Variants in TUT4 observed in about 807,000 individuals in gnomAD.
TUT4 encodes the protein terminal uridylyltransferase 4.
Under a neutral mutation model 192.2 loss-of-function variants are expected in TUT4, and 36 were observed. The ratio of observed to expected loss-of-function variants is 0.19; its 90% CI spans 0.14 to 0.25. The LOEUF (loss-of-function observed/expected upper bound fraction) is 0.25, where lower values mean the gene tolerates loss of function less well. TUT4 is among the 10% of genes least tolerant of loss of function. TUT4 has a pLI of 1.00. For missense variants in TUT4, 1,493 were observed against 1,957.2 expected, an observed-to-expected ratio of 0.76 and a Z score of 4.47; for synonymous variants, 618 against 666.0, an observed-to-expected ratio of 0.93 and a Z score of 1.11.
rs559514733 is a variant in TUT4, at chr1:52,478,580, C to T, written c.1849-698G>A. ...AGACCACCTGGCCACTGGGTCCATG[C>T]GGTGAATCCCTATACTATACTGCCA... On this transcript the variant is annotated intron_variant, in intron 11 of 29. Transcript: ENST00000257177. Among the ~76,000 whole-genome samples, 17 of 152,270 alleles carry T rather than the reference C, an allele frequency of 1.1e-4. No homozygotes were observed. In the South Asian group the frequency reaches 1.2e-3, roughly 11 times the overall value.
At chr1:52,466,960 C>T (rs1207092615) in intron 15 of TUT4, among the ~76,000 whole-genome samples, 1 of 151,898 alleles carries the variant, frequency 6.6e-6, no homozygotes, top group Non-Finnish European at 1.5e-5. Context: ...AGCCACCGCA[C>T]CTGGCCAAAA....
intron 14 of TUT4, among the ~76,000 whole-genome samples, chr1:52,469,211 G>A (rs1407636791): frequency 6.6e-6 from 1 of 152,142 alleles, no homozygotes; most frequent in African/African-American, 2.4e-5. Flanking sequence ...TAGGAGGTCA[G>A]GGGATCTCAG....
chr1:52,454,048 A>G (rs372552051), intron 20 of TUT4, among the ~76,000 whole-genome samples: 1 of 152,246 alleles, frequency 6.6e-6, no homozygotes, highest in Non-Finnish European at 1.5e-5. Context: ...CATGAGGAAA[A>G]CTACAAAACT....
chr1:52,497,242 T>C, intron 4 of TUT4, 59 bp from the exon 5 acceptor site: 1 of 1,460,264 alleles, frequency 6.8e-7, no homozygotes, highest in East Asian at 2.5e-5. Context: ...TTAATTGTTC[T>C]TATATTTAGC....
intron 4 of TUT4, among the ~76,000 whole-genome samples, chr1:52,498,973 G>T (rs1673356944): frequency 1.9e-5 from 2 of 105,504 alleles, no homozygotes; most frequent in African/African-American, 3.8e-5. Flanking sequence ...ATTTTTCACA[G>T]AAATATAAAG....
At chr1:52,505,637 G>A (rs1675329672) in intron 4 of TUT4, among the ~76,000 whole-genome samples, 1 of 151,916 alleles carries the variant, frequency 6.6e-6, no homozygotes, top group Non-Finnish European at 1.5e-5. Flanking sequence ...GGCCAGGCTG[G>A]TCTCGAATTC....
intron 9 of TUT4, among the ~76,000 whole-genome samples, chr1:52,485,858 A>G (rs1335204903): frequency 1.3e-5 from 2 of 152,068 alleles, no homozygotes; most frequent in African/African-American, 4.8e-5. Flanking sequence ...CGATTGGTCT[A>G]TACTGGATTG....
At chr1:52,477,940 T>A in intron 11 of TUT4, 58 bp from the exon 12 acceptor site, 3 of 1,449,702 alleles carry the variant, frequency 2.1e-6, no homozygotes, top group Non-Finnish European at 2.8e-6. Context: ...AATCAACAAA[T>A]TTTCAGTTAG....
chr1:52,511,654 A>G (rs1020102019), intron 3 of TUT4, among the ~76,000 whole-genome samples: 1 of 152,138 alleles, frequency 6.6e-6, no homozygotes. Flanking sequence ...GGGAAAAGTG[A>G]ATGCCAAGGC....
In TUT4 at chr1:52,461,714, G is replaced by A; in HGVS notation, c.3125C>T (p.Pro1042Leu). The A allele has an allele frequency of 6.6e-7, 1 of 1,513,412 alleles. No homozygotes were observed. Among genetic ancestry groups the A allele is most frequent in the Non-Finnish European group, 9.0e-7 (1 of 1,112,324 alleles). 93.7% of individuals were successfully genotyped at this position (1,513,412 alleles called of 1,614,324 possible). The change falls in exon 17 of 30, where the codon CCA becomes CTA. Residue 1042 changes from proline to leucine, a missense_variant and splice_region_variant. Around this residue, in one of 7 missense-constraint regions of TUT4, gnomAD observed 141 missense variants for 382.7 expected, o/e 0.37. Transcript: ENST00000257177. ...CAGATAAGATTCAAAATTCATACCTGGATGTCTCTTAAGAATTTTTGCCAA... is the reference window on the plus strand; with the variant it reads ...CAGATAAGATTCAAAATTCATACCTAGATGTCTCTTAAGAATTTTTGCCAA... ...ENLAKILKRHPGLRNILPITT... is the reference protein window; with the variant it reads ...ENLAKILKRHLGLRNILPITT...
chr1:52,439,585 G>A (rs1654887184), intron 24 of TUT4, among the ~76,000 whole-genome samples: 1 of 152,204 alleles, frequency 6.6e-6, no homozygotes, highest in Non-Finnish European at 1.5e-5. Flanking sequence ...AAAAGTATAA[G>A]AGACACGCCC....
chr1:52,444,691 G>T (rs916385779), intron 24 of TUT4, among the ~76,000 whole-genome samples: 5 of 149,602 alleles, frequency 3.3e-5, no homozygotes, highest in Non-Finnish European at 5.9e-5. Context: ...CATAAGGCAA[G>T]CAGAAAAATG....
chr1:52,483,445 T>A (rs781708479), intron 9 of TUT4, among the ~76,000 whole-genome samples: 1 of 152,188 alleles, frequency 6.6e-6, no homozygotes, highest in Non-Finnish European at 1.5e-5. Flanking sequence ...AGTTTAAATA[T>A]GCTTATTTCA....
At chr1:52,506,666 T>C (rs1675667867) in intron 4 of TUT4, among the ~76,000 whole-genome samples, 1 of 152,204 alleles carries the variant, frequency 6.6e-6, no homozygotes, top group South Asian at 2.1e-4. Flanking sequence ...CATATCTTTT[T>C]TATATTTTCC....
At chr1:52,460,345 G>A (rs1662212891) in intron 19 of TUT4, among the ~76,000 whole-genome samples, 1 of 152,096 alleles carries the variant, frequency 6.6e-6, no homozygotes, top group Non-Finnish European at 1.5e-5. Flanking sequence ...AGCCAGGCAT[G>A]GTGGTGAATG....
At chr1:52,509,860 GT>G in intron 3 of TUT4, 148 bp from the exon 4 acceptor site, 1 of 661,602 alleles carries the variant, frequency 1.5e-6, no homozygotes, top group Non-Finnish European at 2.7e-6. Context: ...TAAAGTAATA[GT>G]TTTTAATAAA....
At chr1:52,482,312 T>C (rs994465245) in intron 9 of TUT4, among the ~76,000 whole-genome samples, 1 of 152,220 alleles carries the variant, frequency 6.6e-6, no homozygotes, top group Non-Finnish European at 1.5e-5. Context: ...TATATAGGTA[T>C]AGGGAGAAGT....
At chr1:52,487,601 C>T (rs1670132946) in intron 9 of TUT4, among the ~76,000 whole-genome samples, 1 of 152,072 alleles carries the variant, frequency 6.6e-6, no homozygotes, top group Non-Finnish European at 1.5e-5. Context: ...CACTCTCTTC[C>T]ATGGGTTAAA....
chr1:52,531,516 G>C (rs1683411930), intron 1 of TUT4, among the ~76,000 whole-genome samples: 3 of 152,126 alleles, frequency 2.0e-5, no homozygotes, highest in South Asian at 2.1e-4. Context: ...AATCATTTCT[G>C]ATTTTGCTTA....
Sources: gnomAD v4.1 joint callset for allele counts (sites outside exome capture counted in the v4.1 genomes callset) on GRCh38, gnomAD v4.1.1 for gene constraint, gnomAD v4.1.1 regional missense constraint, MANE v1.5 for transcripts, NCBI Gene and HGNC (gene_info 2026-07-23, HGNC 2026-07-21) for gene names.